Variants in RPS6KA3 observed in about 807,000 individuals in gnomAD.
The protein encoded by RPS6KA3 is ribosomal protein S6 kinase alpha-3.
Under a neutral mutation model 67.2 loss-of-function variants are expected in RPS6KA3, and 4 were observed. That is an observed-to-expected ratio of 0.06 (90% CI 0.03 to 0.14). The LOEUF is 0.14. RPS6KA3 is among the 10% of genes least tolerant of loss of function. The probability of loss-of-function intolerance (pLI) is 1.00; values close to 1 mark genes in which losing one functional copy is unlikely to be tolerated. For synonymous variants in RPS6KA3, 182 were observed against 183.7 expected (o/e 0.99, Z 0.07); for missense variants, 204 against 559.0 (o/e 0.36, Z 6.40).
chrX:20,204,032 G>A lies in RPS6KA3; in HGVS notation c.315C>T (p.Ala105=), dbSNP rs2068512082. 1 of 1,199,738 alleles carries A rather than the reference G, an allele frequency of 8.3e-7. No homozygotes were observed. Among genetic ancestry groups the A allele is most frequent in the East Asian group, 3.0e-5 (1 of 33,765 alleles). ...AGCAGCAACACTTACCTTTCAGTGT[G>A]GCCTTCTTCAATACCTTCATGGCAT... ...QLYAMKVLKK[A]TLKVRDRVRT... The change falls in exon 4 of 22, where the codon GCC becomes GCT. Residue 105 remains alanine (A), a synonymous_variant. Transcript: ENST00000379565.
chrX:20,164,390 T>TC (rs1461973530), intron 18 of RPS6KA3, among the ~76,000 whole-genome samples: 1 of 105,673 alleles, frequency 9.5e-6, no homozygotes, highest in African/African-American at 3.4e-5. Flanking sequence ...AGGGTTGTTT[T>TC]TTTTTTTTTT....
chrX:20,255,007 CAT>C (rs936881116), intron 1 of RPS6KA3, among the ~76,000 whole-genome samples: 7 of 112,271 alleles, frequency 6.2e-5, no homozygotes, highest in African/African-American at 1.6e-4. Context: ...AAACTGGAAA[CAT>C]GTGTTCACAT....
Position 20,187,985 on chromosome X carries a change from AT to A in RPS6KA3, c.632-16del. The A allele has an allele frequency of 2.5e-6, 3 of 1,189,010 alleles. No individual in the cohort carries two copies. In the African/African-American group the frequency reaches 5.2e-5, roughly 21 times the overall value. On this transcript the variant is annotated splice_polypyrimidine_tract_variant and intron_variant, in intron 8 of 21. Coordinates refer to ENST00000379565, the MANE Select transcript of RPS6KA3 (RefSeq NM_004586.3). ...TAGGCCGAAATCTGCCAAAACAAAT[AT>A]CATAAATATCCTACATAAATTTGCA...
At chrX:20,158,468 A>G (rs966657621) in intron 20 of RPS6KA3, among the ~76,000 whole-genome samples, 3 of 108,812 alleles carry the variant, frequency 2.8e-5, no homozygotes, top group African/African-American at 1.0e-4. Flanking sequence ...CTTGGGAATT[A>G]GCGTGATGTT....
Position 20,251,371 on chromosome X carries a change from G to T in RPS6KA3, c.69+15193C>A, listed in dbSNP as rs749451711. 6.4e-4 allele frequency among the ~76,000 whole-genome samples: 72 copies of T among 112,669 alleles called. No homozygotes were observed. The East Asian group carries it at 9.8e-3, about 15-fold the overall frequency. ...TGCCCAAGCCGATCTCGAACTCCTG[G>T]GCTCAAGCAATCCTCTTGCCTTGGC... On this transcript the variant is annotated intron_variant, in intron 1 of 21. Coordinates refer to ENST00000379565, the MANE Select transcript of RPS6KA3 (RefSeq NM_004586.3).
At position 20,151,592 on chromosome X, in the gene RPS6KA3, C is replaced by T. The variant is rs1040301930; in HGVS notation, c.*3806G>A. On this transcript the variant is annotated 3_prime_UTR_variant, in exon 22 of 22. Transcript: ENST00000379565. ...CATCATATTTGTTAATCTGAGAAAA[C>T]AGACCTTTTCTGAACCTTTACATTC... is the stretch of plus-strand genomic sequence containing the variant. 2.7e-5 allele frequency: 3 copies of T among 112,563 alleles called. No homozygotes were observed. The highest frequency in any genetic ancestry group is 6.5e-5 in the African/African-American group (2 of 30,919). The allele number at this position is 112,563 out of a possible 1,213,427, so 9.3% of individuals were successfully genotyped here. A position where few individuals can be genotyped will look rare whatever the true frequency, so the allele number is the denominator to read the frequency against.
intron 1 of RPS6KA3, among the ~76,000 whole-genome samples, chrX:20,252,572 A>G (rs1314940699): frequency 9.0e-6 from 1 of 110,644 alleles, no homozygotes; most frequent in East Asian, 2.8e-4. Context: ...CTCCACTCTT[A>G]GTCCCAATGA....
chrX:20,200,203 A>T (rs868330767), intron 4 of RPS6KA3, among the ~76,000 whole-genome samples: 2 of 112,527 alleles, frequency 1.8e-5, no homozygotes, highest in South Asian at 3.6e-4. Context: ...GTGAAAAGGG[A>T]AACTGTGAGT....
At chrX:20,245,845 C>T (rs182498261) in intron 1 of RPS6KA3, among the ~76,000 whole-genome samples, 2,495 of 111,197 alleles carry the variant, frequency 0.022, 66 homozygotes, top group African/African-American at 0.072. Flanking sequence ...GGAGGCCAGG[C>T]GCGGTGGCTC....
At chrX:20,253,575 G>C (rs1428033315) in intron 1 of RPS6KA3, among the ~76,000 whole-genome samples, 1 of 111,233 alleles carries the variant, frequency 9.0e-6, no homozygotes, top group African/African-American at 3.3e-5. Context: ...CGCTGTAAGG[G>C]AGATCAAGGA....
At chrX:20,266,451 G>A (rs2070387877) in intron 1 of RPS6KA3, 113 bp downstream of exon 1, 3 of 624,647 alleles carry the variant, frequency 4.8e-6, no homozygotes, top group Admixed American at 5.6e-5. Flanking sequence ...GAGCCCGGGG[G>A]AAAGACGCGA....
intron 21 of RPS6KA3, 66 bp downstream of exon 21, chrX:20,156,043 G>A: frequency 9.0e-7 from 1 of 1,108,797 alleles, no homozygotes; most frequent in South Asian, 1.8e-5. Flanking sequence ...TGGGGGCATG[G>A]ACAGGGCTTC....
chrX:20,156,650 C>T (rs2067193945), intron 20 of RPS6KA3, among the ~76,000 whole-genome samples: 1 of 110,766 alleles, frequency 9.0e-6, no homozygotes, highest in Non-Finnish European at 1.9e-5. Flanking sequence ...ATCCTCCCAC[C>T]TCAGCCTCCC....
intron 2 of RPS6KA3, among the ~76,000 whole-genome samples, chrX:20,211,661 T>C (rs182003155): frequency 8.9e-6 from 1 of 111,831 alleles, no homozygotes; most frequent in East Asian, 2.8e-4. Flanking sequence ...TCTTTTCTTT[T>C]TCTATACCCC....
In RPS6KA3 at chrX:20,266,753, GGCAGCGGCAGCGGCAGCA is replaced by G; in HGVS notation, c.-139_-122del. 6.5e-6 allele frequency: 2 copies of G among 305,371 alleles called. No individual in the cohort carries two copies. Among genetic ancestry groups the G allele is most frequent in the South Asian group, 1.6e-4 (1 of 6,378 alleles). 25.2% of individuals were successfully genotyped at this position (305,371 alleles called of 1,213,427 possible). On this transcript the variant is annotated 5_prime_UTR_variant, in exon 1 of 22. Transcript: ENST00000379565. ...CGGCGGCGGCGGCGGCGGCGGCAGC[GGCAGCGGCAGCGGCAGCA>G]GCAGCAGCAGCGGCGGCGGCCCCAG...
chrX:20,232,534 T>C (rs924098427), intron 2 of RPS6KA3, among the ~76,000 whole-genome samples: 4 of 111,398 alleles, frequency 3.6e-5, no homozygotes, highest in Non-Finnish European at 5.7e-5. Context: ...GTAGTGCCAC[T>C]GCACTCCAGC....
At chrX:20,259,720 G>A (rs1330431758) in intron 1 of RPS6KA3, among the ~76,000 whole-genome samples, 2 of 111,368 alleles carry the variant, frequency 1.8e-5, no homozygotes, top group South Asian at 3.7e-4. Flanking sequence ...CTCAAATGCC[G>A]TGGGCCATAT....
At chrX:20,200,785 G>A (rs1302022902) in intron 4 of RPS6KA3, among the ~76,000 whole-genome samples, 4 of 110,669 alleles carry the variant, frequency 3.6e-5, no homozygotes, top group African/African-American at 1.3e-4. Context: ...AGACTCAAGC[G>A]TTCCTCCCGC....
intron 2 of RPS6KA3, among the ~76,000 whole-genome samples, chrX:20,213,992 T>C (rs898281477): frequency 8.9e-6 from 1 of 112,078 alleles, no homozygotes; most frequent in African/African-American, 3.2e-5. Flanking sequence ...TGATAAATTT[T>C]ACTTTGATTC....
Sources: gnomAD v4.1 joint callset for allele counts (sites outside exome capture counted in the v4.1 genomes callset) on GRCh38, gnomAD v4.1.1 for gene constraint, MANE v1.5 for transcripts, NCBI Gene and HGNC (gene_info 2026-07-23, HGNC 2026-07-21) for gene names.